Variants in TRIM37 observed in about 807,000 individuals in gnomAD.
TRIM37 encodes tripartite motif containing 37.
A neutral mutation model predicts 129.8 loss-of-function variants in TRIM37; 80 were observed. That is an observed-to-expected ratio of 0.62 (90% CI 0.51 to 0.74). TRIM37 has a LOEUF of 0.74. Ranked by LOEUF, TRIM37 falls within the 30% of genes least tolerant of loss-of-function variation. The probability of loss-of-function intolerance (pLI) is 0.00; values close to 1 mark genes in which losing one functional copy is unlikely to be tolerated. For synonymous variants in TRIM37, 389 were observed against 387.1 expected, an observed-to-expected ratio of 1.00 and a Z score of -0.06; for missense variants, 1,054 against 1,176.5, an observed-to-expected ratio of 0.90 and a Z score of 1.52.
chr17:59,075,518 C>A (rs538356740), intron 8 of TRIM37, 129 bp downstream of exon 8: 6 of 633,082 alleles, frequency 9.5e-6, no homozygotes, highest in Admixed American at 9.0e-5. Flanking sequence ...GAGCCGAGAT[C>A]GCGCCACTGC....
chr17:59,002,827 C>A lies in TRIM37; in HGVS notation c.2696-1113G>T, dbSNP rs191559585. On this transcript the variant is annotated intron_variant, in intron 22 of 23. Transcript: ENST00000262294. Reference sequence around the variant, plus strand: ...CACTGCCTTGGGATAGAAAAATGAACCCCCCACAGAAAGGGAATTAAAAGT... The same window carrying A: ...CACTGCCTTGGGATAGAAAAATGAAACCCCCACAGAAAGGGAATTAAAAGT... Among the ~76,000 whole-genome samples the A allele has an allele frequency of 2.4e-3, 358 of 152,130 alleles. 3 individuals are homozygous for A. Among genetic ancestry groups the A allele is most frequent in the Non-Finnish European group, 4.0e-3 (269 of 67,982 alleles).
intron 9 of TRIM37, among the ~76,000 whole-genome samples, chr17:59,068,780 T>C (rs531327632): frequency 6.6e-6 from 1 of 152,194 alleles, no homozygotes; most frequent in Non-Finnish European, 1.5e-5. Context: ...AACTTTGCCC[T>C]TCTGTTTATA....
chr17:58,979,492 T>G (rs1478472839), downstream of TRIM37, among the ~76,000 whole-genome samples: 1 of 152,192 alleles, frequency 6.6e-6, no homozygotes, highest in Non-Finnish European at 1.5e-5. Context: ...TAAACAAGAA[T>G]AGAACAAAAA....
In TRIM37 at chr17:59,012,453, G is replaced by T; in HGVS notation, c.2577-7C>A. On this transcript the variant is annotated splice_polypyrimidine_tract_variant and splice_region_variant and intron_variant, in intron 21 of 23. Transcript: ENST00000262294. ...ACCTCCTTTAGCATTAGCCCTCAAA[G>T]AAGAAAACAACTTGATATTTCTCTA... The T allele has an allele frequency of 6.4e-7, 1 of 1,557,914 alleles. No individual in the cohort carries two copies. The highest frequency in any genetic ancestry group is 8.8e-7 in the Non-Finnish European group (1 of 1,134,902).
At chr17:59,006,614 C>T (rs746501525) in intron 22 of TRIM37, among the ~76,000 whole-genome samples, 3 of 151,938 alleles carry the variant, frequency 2.0e-5, no homozygotes, top group Admixed American at 6.6e-5. Context: ...TGGCTGGGTG[C>T]GCGGTGGCTC....
intron 24 of TRIM37, among the ~76,000 whole-genome samples, chr17:58,990,642 T>C (rs1032962238): frequency 2.0e-5 from 3 of 148,694 alleles, no homozygotes; most frequent in Non-Finnish European, 4.5e-5. Flanking sequence ...AATACAAAAA[T>C]TAGCTGGGTG....
downstream of TRIM37, chr17:58,979,854 C>A: frequency 1.3e-6 from 1 of 748,026 alleles, no homozygotes; most frequent in African/African-American, 1.8e-5. Flanking sequence ...AAATTCTTTC[C>A]AGTCAAGTCA....
intron 9 of TRIM37, 86 bp from the exon 10 acceptor site, chr17:59,064,491 C>T (rs574217332): frequency 1.1e-3 from 955 of 892,354 alleles, no homozygotes; most frequent in Non-Finnish European, 1.5e-3. Context: ...TCACTAGTAT[C>T]TTAAAAACTT....
chr17:58,989,580 AGAT>A (rs1301031088), intron 24 of TRIM37, among the ~76,000 whole-genome samples: 1 of 152,238 alleles, frequency 6.6e-6, no homozygotes, highest in African/African-American at 2.4e-5. Context: ...GCCAAAACAG[AGAT>A]GATGAATGCC....
At chr17:59,042,442 AAAAAAAAAT>A (rs2039314457) in intron 16 of TRIM37, among the ~76,000 whole-genome samples, 1 of 47,316 alleles carries the variant, frequency 2.1e-5, no homozygotes, top group Non-Finnish European at 4.7e-5. Context: ...AAAAAAAAAA[AAAAAAAAAT>A]ATATATATAT....
chr17:58,993,479 G>A (rs1043607652), downstream of TRIM37, among the ~76,000 whole-genome samples: 2 of 152,348 alleles, frequency 1.3e-5, no homozygotes, highest in East Asian at 1.9e-4. Flanking sequence ...AGAAGGAGGT[G>A]CTGATTCACA....
intron 9 of TRIM37, among the ~76,000 whole-genome samples, chr17:59,067,124 C>A (rs927578958): frequency 2.0e-5 from 3 of 152,170 alleles, no homozygotes; most frequent in Admixed American, 6.5e-5. Flanking sequence ...ACTGATTTTG[C>A]ATTCTTTATA....
chr17:59,031,094 C>T (rs548898178), intron 18 of TRIM37, among the ~76,000 whole-genome samples: 5 of 152,280 alleles, frequency 3.3e-5, no homozygotes, highest in East Asian at 3.9e-4. Flanking sequence ...TGTCCCTACA[C>T]CAGTAGAAGA....
intron 7 of TRIM37, among the ~76,000 whole-genome samples, chr17:59,076,401 A>G (rs144479281): frequency 7.8e-4 from 119 of 152,246 alleles, no homozygotes; most frequent in African/African-American, 2.8e-3. Flanking sequence ...ATTAGCCAGG[A>G]GTGGTGGTGC....
At chr17:59,051,824 G>A (rs1381454159) in intron 13 of TRIM37, among the ~76,000 whole-genome samples, 1 of 151,462 alleles carries the variant, frequency 6.6e-6, no homozygotes, top group African/African-American at 2.4e-5. Flanking sequence ...TCCACCTCCC[G>A]GGTTCACGCC....
intron 22 of TRIM37, among the ~76,000 whole-genome samples, chr17:59,002,397 G>C (rs1033224863): frequency 1.3e-5 from 2 of 152,034 alleles, no homozygotes; most frequent in Non-Finnish European, 2.9e-5. Context: ...ACCATGCCCT[G>C]CTAATTTAAA....
At chr17:58,984,927 T>C (rs1300335794) in intron 24 of TRIM37, 3 of 152,658 alleles carry the variant, frequency 2.0e-5, no homozygotes, top group Non-Finnish European at 2.9e-5. Context: ...AGGTGCTCTT[T>C]GGTGAGAGAC....
intron 17 of TRIM37, 122 bp from the exon 18 acceptor site, chr17:59,032,212 G>A (rs1211447847): frequency 1.8e-6 from 2 of 1,112,610 alleles, no homozygotes; most frequent in Non-Finnish European, 2.7e-6. Context: ...AGGAGTTCAG[G>A]TTCATGATAA....
intron 2 of TRIM37, among the ~76,000 whole-genome samples, chr17:59,098,106 G>A (rs1455094080): frequency 6.6e-6 from 1 of 152,196 alleles, no homozygotes; most frequent in East Asian, 1.9e-4. Flanking sequence ...GAGACTAATA[G>A]AACAGAATAG....
Sources: gnomAD v4.1 joint callset for allele counts (sites outside exome capture counted in the v4.1 genomes callset) on GRCh38, gnomAD v4.1.1 for gene constraint, MANE v1.5 for transcripts, NCBI Gene and HGNC (gene_info 2026-07-23, HGNC 2026-07-21) for gene names.